The following FARS2 variants were observed in gnomAD, a reference collection of about 807,000 sequenced individuals.
The protein encoded by FARS2 is phenylalanine--tRNA ligase, mitochondrial.
Under a neutral mutation model 46.4 loss-of-function variants are expected in FARS2, and 40 were observed. That is an observed-to-expected ratio of 0.86 (90% CI 0.67 to 1.12). The LOEUF is 1.12. Ranked by LOEUF, FARS2 falls within the 50% of genes most tolerant of loss-of-function variation. The pLI is 0.00. For missense variants in FARS2, 513 were observed against 567.9 expected (o/e 0.90, Z 0.98); for synonymous variants, 234 against 214.9 (o/e 1.09, Z -0.78).
intron 6 of FARS2, among the ~76,000 whole-genome samples, chr6:5,736,402 A>C (rs1178197107): frequency 6.6e-6 from 1 of 152,128 alleles, no homozygotes; most frequent in Non-Finnish European, 1.5e-5. Context: ...GGGGATCTCT[A>C]GGGGGCATCT....
At chr6:5,599,496 G>T (rs1032529911) in intron 5 of FARS2, among the ~76,000 whole-genome samples, 20 of 152,224 alleles carry the variant, frequency 1.3e-4, no homozygotes, top group African/African-American at 3.6e-4. Context: ...TGTTTGGTAA[G>T]TTCTGAAGAT....
At chr6:5,625,214 G>A (rs1265536564) in intron 6 of FARS2, among the ~76,000 whole-genome samples, 1 of 152,134 alleles carries the variant, frequency 6.6e-6, no homozygotes, top group African/African-American at 2.4e-5. Flanking sequence ...AGGATATGCA[G>A]GTAACACCTA....
At chr6:5,353,626 C>G (rs1757713599) in intron 1 of FARS2, among the ~76,000 whole-genome samples, 3 of 151,710 alleles carry the variant, frequency 2.0e-5, no homozygotes, top group Admixed American at 2.0e-4. Flanking sequence ...ATTTGCATTT[C>G]CCTGATGATT....
intron 5 of FARS2, among the ~76,000 whole-genome samples, chr6:5,564,264 T>C (rs528497586): frequency 9.3e-4 from 141 of 152,308 alleles, no homozygotes; most frequent in Admixed American, 2.4e-3. Flanking sequence ...TATAGAATTC[T>C]CCTTTGGGGG....
intron 6 of FARS2, among the ~76,000 whole-genome samples, chr6:5,696,952 C>A (rs1330127579): frequency 6.6e-6 from 1 of 152,140 alleles, no homozygotes; most frequent in African/African-American, 2.4e-5. Flanking sequence ...AAAGTTTTAG[C>A]AAAACCAGCT....
At chr6:5,750,342 T>G (rs1761876547) in intron 6 of FARS2, among the ~76,000 whole-genome samples, 1 of 152,080 alleles carries the variant, frequency 6.6e-6, no homozygotes, top group Non-Finnish European at 1.5e-5. Context: ...CCTTCTCTCC[T>G]CGGACGCAGA....
At chr6:5,582,403 C>T (rs888780693) in intron 5 of FARS2, among the ~76,000 whole-genome samples, 3 of 152,234 alleles carry the variant, frequency 2.0e-5, no homozygotes, top group African/African-American at 4.8e-5. Flanking sequence ...TATGGACCCA[C>T]GGTGGCTATG....
intron 6 of FARS2, among the ~76,000 whole-genome samples, chr6:5,663,418 C>T (rs1367256677): frequency 1.3e-5 from 2 of 152,204 alleles, no homozygotes; most frequent in Non-Finnish European, 2.9e-5. Flanking sequence ...TGGCATTATT[C>T]AAAGCTGCTC....
rs1348926202 is a variant in FARS2 at position 5,336,276 on chromosome 6, G to T, written c.-21-32274G>T. Among the ~76,000 whole-genome samples, 4 of 150,744 alleles carry T rather than the reference G, an allele frequency of 2.7e-5. No homozygotes were observed. In the East Asian group the frequency reaches 5.9e-4, roughly 22 times the overall value. The stretch of plus-strand genomic sequence containing the variant: ...CTTAGTTCTAAATATATCACTTCAG[G>T]GTTATAAAATAAGACAGCCTTTTTT... On this transcript the variant is annotated intron_variant, in intron 1 of 6. Transcript: ENST00000274680.
chr6:5,514,109 T>TATATATATATATATATATA (rs1768635769), intron 4 of FARS2, among the ~76,000 whole-genome samples: 1 of 150,274 alleles, frequency 6.7e-6, no homozygotes, highest in African/African-American at 2.5e-5. Context: ...TATATATATA[T>TATATATATATATATATATA]GATAAAGTGA....
At chr6:5,495,021 T>C (rs1767368154) in intron 4 of FARS2, among the ~76,000 whole-genome samples, 1 of 152,236 alleles carries the variant, frequency 6.6e-6, no homozygotes, top group African/African-American at 2.4e-5. Context: ...CTAAAATGAC[T>C]GCTGTGTGAG....
At chr6:5,659,744 T>C (rs542327984) in intron 6 of FARS2, among the ~76,000 whole-genome samples, 1 of 152,364 alleles carries the variant, frequency 6.6e-6, no homozygotes, top group Admixed American at 6.5e-5. Flanking sequence ...TATAGTCTAG[T>C]TGAAGGATAC....
At chr6:5,514,065 A>G (rs1203915375) in intron 4 of FARS2, among the ~76,000 whole-genome samples, 1 of 149,322 alleles carries the variant, frequency 6.7e-6, no homozygotes, top group African/African-American at 2.5e-5. Context: ...GGGAAAAAAT[A>G]GAAAATTAAC....
chr6:5,327,399 T>G (rs547590940), intron 1 of FARS2, among the ~76,000 whole-genome samples: 4 of 152,158 alleles, frequency 2.6e-5, no homozygotes, highest in Admixed American at 2.6e-4. Flanking sequence ...TCATCCCTAA[T>G]TGTAGCCCAT....
At chr6:5,260,815 G>C (rs1420786806), upstream of FARS2, 3 of 1,527,480 alleles carry the variant, frequency 2.0e-6, no homozygotes, top group African/African-American at 2.8e-5. Context: ...AGCCTGTGCG[G>C]AAACCACGAA....
chr6:5,563,674 CAT>C (rs970239602), intron 5 of FARS2, among the ~76,000 whole-genome samples: 1 of 152,042 alleles, frequency 6.6e-6, no homozygotes, highest in African/African-American at 2.4e-5. Flanking sequence ...ATGGCATGTC[CAT>C]GTGTGTGTGG....
intron 1 of FARS2, among the ~76,000 whole-genome samples, chr6:5,361,182 A>G (rs1165066734): frequency 2.0e-5 from 3 of 152,220 alleles, no homozygotes; most frequent in Non-Finnish European, 2.9e-5. Context: ...CATATCGTAC[A>G]TACAATTTTA....
intron 4 of FARS2, among the ~76,000 whole-genome samples, chr6:5,500,508 G>A (rs2503802): frequency 0.17 from 26,207 of 152,232 alleles, 2,563 homozygotes; most frequent in East Asian, 0.3. Context: ...GCAAGGCCAG[G>A]CGCCTCAGAT....
intron 1 of FARS2, among the ~76,000 whole-genome samples, chr6:5,313,529 A>G (rs1769239514): frequency 1.3e-5 from 2 of 152,208 alleles, no homozygotes; most frequent in South Asian, 4.1e-4. Context: ...TGGTAACTTC[A>G]TATGGATTTC....
Sources: gnomAD v4.1 joint callset for allele counts (sites outside exome capture counted in the v4.1 genomes callset) on GRCh38, gnomAD v4.1.1 for gene constraint, MANE v1.5 for transcripts, NCBI Gene and HGNC (gene_info 2026-07-23, HGNC 2026-07-21) for gene names.